INTU: variants seen among roughly 807,000 people sequenced by gnomAD.
INTU encodes the protein protein inturned.
INTU carries 68 observed loss-of-function variants against 100.5 expected under a neutral mutation model. The ratio of observed to expected loss-of-function variants is 0.68; its 90% CI spans 0.56 to 0.83. The LOEUF (loss-of-function observed/expected upper bound fraction) is 0.83, where lower values mean the gene tolerates loss of function less well. Among genes scored for constraint, INTU ranks in the 40% least tolerant of loss-of-function variants. The pLI is 0.00. For missense variants in INTU, 1,071 were observed against 1,114.7 expected (o/e 0.96, Z 0.56); for synonymous variants, 357 against 395.7 (o/e 0.90, Z 1.16).
In INTU at chr4:127,643,887, T is replaced by A. The variant is rs749031498; in HGVS notation, c.513T>A (p.Thr171=). The A allele has an allele frequency of 2.5e-6, 4 of 1,614,028 alleles. No individual in the cohort carries two copies. The highest frequency in any genetic ancestry group is 3.4e-6 in the Non-Finnish European group (4 of 1,180,032). ...TTTATGTAAACCCCAAAAAGCTAACTGTTATCAAAGCCAAAGAGCAGCTCA... is the reference window on the plus strand; with the variant it reads ...TTTATGTAAACCCCAAAAAGCTAACAGTTATCAAAGCCAAAGAGCAGCTCA... ...VNVYVNPKKL[T]VIKAKEQLKL... Residue 171 remains threonine, a synonymous_variant, in exon 2 of 16, where the codon ACT becomes ACA. Coordinates refer to ENST00000335251, the MANE Select transcript of INTU (RefSeq NM_015693.4).
intron 1 of INTU, among the ~76,000 whole-genome samples, chr4:127,642,864 A>G (rs1342866536): frequency 6.6e-6 from 1 of 150,762 alleles, no homozygotes; most frequent in African/African-American, 2.4e-5. Context: ...TTTTTCTACT[A>G]CAATTTTTCA....
At chr4:127,690,825 T>C (rs917879815) in intron 8 of INTU, among the ~76,000 whole-genome samples, 8 of 152,216 alleles carry the variant, frequency 5.3e-5, no homozygotes, top group East Asian at 1.9e-4. Flanking sequence ...GTTGTTATAA[T>C]TGATGAACCT....
At chr4:127,714,975 G>A (rs1294816856) in intron 15 of INTU, among the ~76,000 whole-genome samples, 2 of 151,866 alleles carry the variant, frequency 1.3e-5, no homozygotes, top group Non-Finnish European at 2.9e-5. Context: ...TCTAGCAGAA[G>A]AATTATGAAA....
rs139861015 is a variant in INTU, at chr4:127,698,590, T to C, written c.1450-1420T>C. On this transcript the variant is annotated intron_variant, in intron 8 of 15. Transcript: ENST00000335251. ...TTTTAACTTGGAAAAAACCTATTTG[T>C]TCCAGGTTTAGTATATAATGAGGTC... Among the ~76,000 whole-genome samples the C allele has an allele frequency of 1.5e-3, 230 of 152,340 alleles. 5 individuals are homozygous for C. The East Asian group carries it at 0.039, about 26-fold the overall frequency.
At chr4:127,669,269 T>C (rs966563517) in intron 5 of INTU, 115 bp downstream of exon 5, 11 of 526,906 alleles carry the variant, frequency 2.1e-5, no homozygotes, top group African/African-American at 1.7e-4. Flanking sequence ...ACAATGTATG[T>C]ATTATATACA....
At chr4:127,670,669 G>C (rs1038612875) in intron 5 of INTU, among the ~76,000 whole-genome samples, 3 of 151,940 alleles carry the variant, frequency 2.0e-5, no homozygotes, top group Non-Finnish European at 4.4e-5. Flanking sequence ...TAAGCAAAAA[G>C]AACAAAACTT....
intron 2 of INTU, among the ~76,000 whole-genome samples, chr4:127,655,119 T>G (rs1266342801): frequency 6.6e-6 from 1 of 152,256 alleles, no homozygotes; most frequent in South Asian, 2.1e-4. Context: ...TAGTTATACA[T>G]TCATCTAAAT....
rs1408702494 is a variant in INTU at position 127,653,449 on chromosome 4, A to G, written c.683-3187A>G. ...TTTGTTCTCGTTGGTTTCAAAGAAC[A>G]TCTTTATTTCTGCCTTCATTTCGTT... On this transcript the variant is annotated intron_variant, in intron 2 of 15. Transcript: ENST00000335251. 2.0e-3 allele frequency among the ~76,000 whole-genome samples: 301 copies of G among 148,408 alleles called. 1 individual carries two copies. The highest frequency in any genetic ancestry group is 5.2e-3 in the Admixed American group (78 of 14,908).
rs142718044 is a variant in INTU, at chr4:127,723,267, A to T, written c.*6831A>T. 16 of 151,068 alleles carry T rather than the reference A, an allele frequency of 1.1e-4. No homozygotes were observed. The highest frequency in any genetic ancestry group is 2.4e-4 in the Non-Finnish European group (16 of 67,966). 9.4% of individuals were successfully genotyped at this position (151,068 alleles called of 1,614,324 possible). On this transcript the variant is annotated 3_prime_UTR_variant, in exon 16 of 16. Coordinates refer to ENST00000335251, the MANE Select transcript of INTU (RefSeq NM_015693.4). ...TCATGCCAGCCACCTAGCAGTCCCA[A>T]TAAGAGAACTTCAGTATCTCAACTG...
intron 12 of INTU, among the ~76,000 whole-genome samples, chr4:127,707,689 A>G (rs866152675): frequency 6.6e-6 from 1 of 152,068 alleles, no homozygotes; most frequent in East Asian, 1.9e-4. Flanking sequence ...TCCTATTTTT[A>G]TAGATTTTAA....
chr4:127,668,981 G>T, intron 4 of INTU, 55 bp from the exon 5 acceptor site: 1 of 783,946 alleles, frequency 1.3e-6, no homozygotes, highest in South Asian at 1.9e-5. Context: ...AACTTGCCCT[G>T]ACAAAGATAA....
Position 127,656,795 on chromosome 4 carries a change from CT to C in INTU, c.768+79del, listed in dbSNP as rs1728250384. 9.7e-6 allele frequency: 9 copies of C among 925,382 alleles called. No individual in the cohort carries two copies. The South Asian group carries it at 1.6e-4, about 16-fold the overall frequency. 57.3% of individuals were successfully genotyped at this position (925,382 alleles called of 1,614,324 possible). A position where few individuals can be genotyped will look rare whatever the true frequency, so the allele number is the denominator to read the frequency against. ...TATAAATATATCGTGCACTATTTTC[CT>C]TTTTAAGCGTCTGAAAAGTATCATG... On this transcript the variant is annotated intron_variant, in intron 3 of 15. Coordinates refer to ENST00000335251, the MANE Select transcript of INTU (RefSeq NM_015693.4).
At chr4:127,713,057 C>T (rs138956308) in intron 14 of INTU, among the ~76,000 whole-genome samples, 145 of 152,160 alleles carry the variant, frequency 9.5e-4, no homozygotes, top group African/African-American at 3.3e-3. Context: ...TATGCATGGC[C>T]GGATAGACTA....
At chr4:127,648,841 G>A (rs1197261731) in intron 2 of INTU, among the ~76,000 whole-genome samples, 1 of 150,872 alleles carries the variant, frequency 6.6e-6, no homozygotes, top group African/African-American at 2.4e-5. Flanking sequence ...TTTTCCAAGT[G>A]GACTTCAAGT....
At chr4:127,696,165 A>G (rs1392589684) in intron 8 of INTU, among the ~76,000 whole-genome samples, 3 of 151,384 alleles carry the variant, frequency 2.0e-5, no homozygotes, top group Admixed American at 2.0e-4. Context: ...TTTTTTTCTT[A>G]TAATGTCTTT....
chr4:127,669,811 T>C (rs1237544001), intron 5 of INTU, among the ~76,000 whole-genome samples: 1 of 151,904 alleles, frequency 6.6e-6, no homozygotes, highest in Non-Finnish European at 1.5e-5. Flanking sequence ...TAACTTGATT[T>C]AGGTTAAAGG....
intron 8 of INTU, among the ~76,000 whole-genome samples, chr4:127,697,481 G>A (rs527346327): frequency 2.0e-4 from 19 of 93,220 alleles, no homozygotes; most frequent in Admixed American, 2.0e-3. Context: ...CAAGCCTTTG[G>A]TAATCACCAT....
In INTU at chr4:127,668,317, A is replaced by G. The variant is rs116603522; in HGVS notation, c.973-719A>G. 2.1e-3 allele frequency among the ~76,000 whole-genome samples: 327 copies of G among 152,104 alleles called. 3 individuals carry two copies. The highest frequency in any genetic ancestry group is 7.5e-3 in the African/African-American group (312 of 41,560). ...CCCGGGACATGCTCTTCTTGAAAAC[A>G]GAAAAATATAAAGCATTTTGTGAAT... On this transcript the variant is annotated intron_variant, in intron 4 of 15. Transcript: ENST00000335251.
intron 5 of INTU, among the ~76,000 whole-genome samples, chr4:127,672,516 T>C (rs1431577785): frequency 6.6e-6 from 1 of 151,670 alleles, no homozygotes; most frequent in Non-Finnish European, 1.5e-5. Flanking sequence ...AGAATAGATG[T>C]TATTTTACCT....
Sources: allele counts gnomAD v4.1 joint callset (sites outside exome capture counted in the v4.1 genomes callset), GRCh38; gene constraint gnomAD v4.1.1; transcripts MANE v1.5; gene names NCBI Gene and HGNC (gene_info 2026-07-23, HGNC 2026-07-21).